The following CDKL4 variants were observed in gnomAD, a reference collection of about 807,000 sequenced individuals.
The protein encoded by CDKL4 is cyclin dependent kinase like 4, also known as cyclin-dependent kinase-like 4.
A neutral mutation model predicts 42.0 loss-of-function variants in CDKL4; 44 were observed. The observed-to-expected ratio is 1.05, with a 90% CI of 0.82 to 1.35. CDKL4 has a LOEUF of 1.35. Ranked by LOEUF, CDKL4 falls within the 40% of genes most tolerant of loss-of-function variation. CDKL4 has a pLI of 0.00. For synonymous variants in CDKL4, 120 were observed against 121.6 expected, an observed-to-expected ratio of 0.99 and a Z score of 0.09; for missense variants, 393 against 369.9, an observed-to-expected ratio of 1.06 and a Z score of -0.51.
chr2:39,236,154 TA>T (rs58561018), intron 1 of CDKL4, among the ~76,000 whole-genome samples: 10,457 of 87,760 alleles, frequency 0.12, 1,239 homozygotes, highest in African/African-American at 0.35. Context: ...AATTTTAGAG[TA>T]AAAAAAAAAA....
intron 4 of CDKL4, among the ~76,000 whole-genome samples, chr2:39,207,395 AT>A (rs911052352): frequency 9.9e-5 from 15 of 151,690 alleles, no homozygotes; most frequent in African/African-American, 2.7e-4. Flanking sequence ...AAAAAAAAAA[AT>A]TTTTTTTTGG....
At chr2:39,171,331 G>GA (rs997404604), downstream of CDKL4, among the ~76,000 whole-genome samples, 8 of 151,470 alleles carry the variant, frequency 5.3e-5, no homozygotes, top group African/African-American at 9.7e-5. Flanking sequence ...AATTTAGAAG[G>GA]AAAAAAAACA....
chr2:39,223,280 C>A (rs763451812), intron 3 of CDKL4, among the ~76,000 whole-genome samples: 1 of 151,946 alleles, frequency 6.6e-6, no homozygotes, highest in Non-Finnish European at 1.5e-5. Context: ...ATAACTTTTG[C>A]CCTCATCTGA....
chr2:39,236,636 A>T (rs1008502381), intron 1 of CDKL4, among the ~76,000 whole-genome samples: 2 of 152,106 alleles, frequency 1.3e-5, no homozygotes, highest in African/African-American at 4.8e-5. Flanking sequence ...ATAAACAAAA[A>T]CTGGTTCTTT....
At chr2:39,223,100 C>G (rs894004875) in intron 3 of CDKL4, among the ~76,000 whole-genome samples, 15 of 152,002 alleles carry the variant, frequency 9.9e-5, no homozygotes, top group African/African-American at 3.4e-4. Flanking sequence ...GAACATTTCC[C>G]CAGGACATTA....
chr2:39,183,267 CAA>C (rs5830560), intron 8 of CDKL4, among the ~76,000 whole-genome samples: 17,282 of 147,082 alleles, frequency 0.12, 2,537 homozygotes, highest in African/African-American at 0.34. Flanking sequence ...GACTCTGTCT[CAA>C]AAAAAAAAAA....
intron 5 of CDKL4, among the ~76,000 whole-genome samples, chr2:39,199,088 T>C (rs1334054014): frequency 2.0e-5 from 3 of 151,858 alleles, no homozygotes; most frequent in Non-Finnish European, 2.9e-5. Flanking sequence ...TGATAGGCCA[T>C]TAGCAAGATT....
chr2:39,206,188 G>C (rs1276916052), intron 4 of CDKL4, among the ~76,000 whole-genome samples: 1 of 151,994 alleles, frequency 6.6e-6, no homozygotes, highest in Non-Finnish European at 1.5e-5. Flanking sequence ...CGAGTGGCTG[G>C]GACTACGGAT....
intron 7 of CDKL4, among the ~76,000 whole-genome samples, chr2:39,185,432 GTATATATACATGTATATATACATA>G (rs1558547664): frequency 0.023 from 388 of 16,684 alleles, 62 homozygotes; most frequent in African/African-American, 0.033. Context: ...ATATACATAT[GTATATATACATGTATATATACATA>G]TGTGTATATA....
At chr2:39,198,082 C>G (rs1676627178) in intron 5 of CDKL4, among the ~76,000 whole-genome samples, 1 of 152,092 alleles carries the variant, frequency 6.6e-6, no homozygotes, top group Non-Finnish European at 1.5e-5. Flanking sequence ...TATCTGCTGT[C>G]TTTATGAGAC....
downstream of CDKL4, among the ~76,000 whole-genome samples, chr2:39,173,023 T>G (rs1052610350): frequency 2.0e-5 from 3 of 152,220 alleles, no homozygotes; most frequent in African/African-American, 7.2e-5. Flanking sequence ...TTGAATTAAT[T>G]TTTTAATGCA....
At chr2:39,225,401 T>G (rs575938247) in intron 3 of CDKL4, among the ~76,000 whole-genome samples, 1 of 146,232 alleles carries the variant, frequency 6.8e-6, no homozygotes, top group Non-Finnish European at 1.5e-5. Context: ...TAAGACTCCA[T>G]CTCAAAAAAA....
At chr2:39,206,061 GT>G (rs11338393) in intron 4 of CDKL4, among the ~76,000 whole-genome samples, 123,954 of 148,440 alleles carry the variant, frequency 0.84, 52,007 homozygotes, top group Non-Finnish European at 0.89. Context: ...TTTGTTTTTT[GT>G]TTTTTTTTTG....
intron 3 of CDKL4, among the ~76,000 whole-genome samples, chr2:39,221,561 G>A (rs1441000655): frequency 3.9e-5 from 6 of 152,278 alleles, no homozygotes; most frequent in Non-Finnish European, 8.8e-5. Flanking sequence ...TCATAAAAGA[G>A]CAGCATATTC....
downstream of CDKL4, among the ~76,000 whole-genome samples, chr2:39,174,171 G>A (rs151264737): frequency 4.6e-3 from 706 of 152,206 alleles, 9 homozygotes; most frequent in African/African-American, 0.016. Context: ...TTGGGAGGCC[G>A]AGGTGGGAGG....
chr2:39,209,713 G>A (rs974623873), intron 4 of CDKL4, among the ~76,000 whole-genome samples: 19 of 152,158 alleles, frequency 1.2e-4, no homozygotes, highest in African/African-American at 4.6e-4. Context: ...GAGATGATAA[G>A]GTGCACATGG....
Position 39,178,722 on chromosome 2 carries a change from T to TA in CDKL4, c.927+464_927+465insT, listed in dbSNP as rs145083576. On this transcript the variant is annotated intron_variant, in intron 9 of 9. Coordinates refer to ENST00000451199, the Ensembl canonical transcript of CDKL4. ...CCTTTGTACCTGGCAGATCTTGGTT[T>TA]TGAGAAAAAGCCTAGGAAAGGCAGA... 2,616 of 1,609,156 alleles carry TA rather than the reference T, an allele frequency of 1.6e-3. 41 individuals are homozygous for TA. The African/African-American group carries it at 0.031, about 19-fold the overall frequency.
upstream of CDKL4, among the ~76,000 whole-genome samples, chr2:39,246,686 C>CTATCAACAACCTGG (rs1679927114): frequency 1.3e-5 from 2 of 152,262 alleles, no homozygotes; most frequent in South Asian, 4.1e-4. Context: ...TTCTCTTCAT[C>CTATCAACAACCTGG]TATCAACAAC....
intron 3 of CDKL4, among the ~76,000 whole-genome samples, chr2:39,221,141 G>C (rs1355328286): frequency 6.6e-6 from 1 of 151,032 alleles, no homozygotes; most frequent in Admixed American, 6.6e-5. Context: ...AGCCTCCTAA[G>C]TAGCTGGGAC....
Sources: gnomAD v4.1 joint callset for allele counts (sites outside exome capture counted in the v4.1 genomes callset) on GRCh38, gnomAD v4.1.1 for gene constraint, MANE v1.5 for transcripts, NCBI Gene and HGNC (gene_info 2026-07-23, HGNC 2026-07-21) for gene names.